The following ULK4 variants were observed in gnomAD, a reference collection of about 807,000 sequenced individuals.
ULK4 encodes the protein inactive serine/threonine-protein kinase ULK4.
ULK4 carries 133 observed loss-of-function variants against 160.6 expected under a neutral mutation model. The observed-to-expected ratio is 0.83, with a 90% CI of 0.72 to 0.96. The LOEUF (loss-of-function observed/expected upper bound fraction) is 0.96, where lower values mean the gene tolerates loss of function less well. ULK4 is among the 40% of genes least tolerant of loss of function. The pLI is 0.00. For synonymous variants in ULK4, 534 were observed against 539.8 expected (o/e 0.99, Z 0.15); for missense variants, 1,580 against 1,499.5 (o/e 1.05, Z -0.89).
At chr3:41,405,389 T>C (rs992300921) in intron 34 of ULK4, among the ~76,000 whole-genome samples, 16 of 152,212 alleles carry the variant, frequency 1.1e-4, no homozygotes, top group Admixed American at 9.8e-4. Flanking sequence ...GATGGGCACC[T>C]AGGTTGACTC....
At chr3:41,297,883 T>C (rs1339294006) in intron 35 of ULK4, among the ~76,000 whole-genome samples, 1 of 152,160 alleles carries the variant, frequency 6.6e-6, no homozygotes, top group Non-Finnish European at 1.5e-5. Context: ...GCCCACTGTA[T>C]CCAAGGTCAC....
At chr3:41,467,404 A>G (rs1025618799) in intron 32 of ULK4, among the ~76,000 whole-genome samples, 1 of 152,040 alleles carries the variant, frequency 6.6e-6, no homozygotes, top group Non-Finnish European at 1.5e-5. Flanking sequence ...GGCACACACT[A>G]TAATCCCAGC....
At chr3:41,718,934 A>G (rs112670015) in intron 22 of ULK4, among the ~76,000 whole-genome samples, 1,718 of 152,288 alleles carry the variant, frequency 0.011, 27 homozygotes, top group African/African-American at 0.039. Context: ...ATTCTGTATC[A>G]GTTAGCATCT....
intron 30 of ULK4, among the ~76,000 whole-genome samples, chr3:41,645,585 A>T (rs1199864866): frequency 6.6e-6 from 1 of 151,944 alleles, no homozygotes; most frequent in Non-Finnish European, 1.5e-5. Context: ...GTTCTTTTAC[A>T]TTTGCTGAGG....
chr3:41,267,108 G>A (rs892002530), intron 35 of ULK4, among the ~76,000 whole-genome samples: 6 of 148,980 alleles, frequency 4.0e-5, no homozygotes, highest in African/African-American at 1.2e-4. Flanking sequence ...ATAGGTATAC[G>A]TGTGCCACGG....
chr3:41,436,111 C>T (rs2083031838), intron 34 of ULK4, among the ~76,000 whole-genome samples: 1 of 152,130 alleles, frequency 6.6e-6, no homozygotes, highest in Non-Finnish European at 1.5e-5. Context: ...GTCTTTTTCA[C>T]TTTCAATACA....
At chr3:41,415,201 C>T (rs147045662) in intron 34 of ULK4, among the ~76,000 whole-genome samples, 81 of 152,236 alleles carry the variant, frequency 5.3e-4, no homozygotes, top group African/African-American at 1.9e-3. Flanking sequence ...AGCAAGGTTT[C>T]GGAAACCACA....
At chr3:41,370,954 T>TG (rs1356057248) in intron 35 of ULK4, among the ~76,000 whole-genome samples, 4 of 152,090 alleles carry the variant, frequency 2.6e-5, no homozygotes, top group African/African-American at 9.6e-5. Context: ...TCGAGCTTGG[T>TG]GGGGGGAGGG....
intron 27 of ULK4, among the ~76,000 whole-genome samples, chr3:41,690,391 T>A (rs541187366): frequency 6.6e-6 from 1 of 151,246 alleles, no homozygotes; most frequent in Non-Finnish European, 1.5e-5. Context: ...TGTATACATA[T>A]GTAACTAACC....
At chr3:41,612,426 T>C (rs1236186718) in intron 31 of ULK4, among the ~76,000 whole-genome samples, 14 of 152,174 alleles carry the variant, frequency 9.2e-5, no homozygotes, top group Admixed American at 8.5e-4. Context: ...TAACAGCTCC[T>C]ATAATGCTCC....
chr3:41,715,100 AT>A lies in ULK4; in HGVS notation c.2634+136del, dbSNP rs1381851619. On this transcript the variant is annotated intron_variant, in intron 25 of 36. Transcript: ENST00000301831. ...ATTTTATTACAGTCAACAGATAAAA[AT>A]ATTAAAAGGTCACTTCCCTAGAGAC... The A allele has an allele frequency of 1.7e-5, 14 of 825,454 alleles. No individual in the cohort carries two copies. The East Asian group carries it at 3.5e-4, about 21-fold the overall frequency. The allele number at this position is 825,454 out of a possible 1,614,324, so 51.1% of individuals were successfully genotyped here.
rs145687790 is a variant in ULK4 at position 41,954,840 on chromosome 3, G to A, written c.-48-33C>T. ...GTAAACAAAAATGACATTGATAAAT[G>A]CAAGTTAGTTGCATAATTAATTAGC... is the stretch of plus-strand genomic sequence containing the variant. On this transcript the variant is annotated intron_variant, in intron 1 of 36. Transcript: ENST00000301831. 1,219 of 1,368,618 alleles carry A rather than the reference G, an allele frequency of 8.9e-4. 25 individuals are homozygous for A. In the East Asian group the frequency reaches 0.024, roughly 27 times the overall value. The allele number at this position is 1,368,618 out of a possible 1,614,324, so 84.8% of individuals were successfully genotyped here.
intron 22 of ULK4, among the ~76,000 whole-genome samples, chr3:41,750,076 G>C (rs1478766893): frequency 2.6e-5 from 4 of 152,162 alleles, no homozygotes; most frequent in Non-Finnish European, 5.9e-5. Context: ...CCTCAACTGA[G>C]AATCTCAGCA....
chr3:41,898,921 G>A (rs1389658589), intron 13 of ULK4, among the ~76,000 whole-genome samples: 8 of 152,130 alleles, frequency 5.3e-5, no homozygotes, highest in African/African-American at 9.7e-5. Flanking sequence ...ACAAACATTC[G>A]ATAAACAACA....
At chr3:41,915,767 G>T (rs1393504993) in intron 8 of ULK4, among the ~76,000 whole-genome samples, 1 of 152,108 alleles carries the variant, frequency 6.6e-6, no homozygotes, top group Non-Finnish European at 1.5e-5. Context: ...AAAAACACCT[G>T]CAAACTGAGA....
intron 17 of ULK4, among the ~76,000 whole-genome samples, chr3:41,860,172 A>C (rs2042468392): frequency 1.3e-5 from 2 of 152,188 alleles, no homozygotes; most frequent in African/African-American, 4.8e-5. Context: ...CTTGAGAATA[A>C]TTCATGTCTG....
intron 32 of ULK4, among the ~76,000 whole-genome samples, chr3:41,499,641 G>A (rs1198461676): frequency 6.6e-6 from 1 of 152,108 alleles, no homozygotes; most frequent in Non-Finnish European, 1.5e-5. Flanking sequence ...ATAAATTAAT[G>A]TAGTAAAATT....
intron 32 of ULK4, among the ~76,000 whole-genome samples, chr3:41,477,256 G>A (rs2084171994): frequency 6.6e-6 from 1 of 152,180 alleles, no homozygotes; most frequent in Non-Finnish European, 1.5e-5. Flanking sequence ...AATGTTCTGA[G>A]AATATTAATA....
intron 21 of ULK4, among the ~76,000 whole-genome samples, chr3:41,758,011 C>G (rs933682343): frequency 3.3e-5 from 5 of 152,064 alleles, no homozygotes; most frequent in Admixed American, 2.6e-4. Context: ...AATGTAATAG[C>G]GTTAAGAGGT....
Sources: allele counts gnomAD v4.1 joint callset (sites outside exome capture counted in the v4.1 genomes callset), GRCh38; gene constraint gnomAD v4.1.1; transcripts MANE v1.5; gene names NCBI Gene and HGNC (gene_info 2026-07-23, HGNC 2026-07-21).